THSD4: variants seen among roughly 807,000 people sequenced by gnomAD.
THSD4 encodes the protein thrombospondin type-1 domain-containing protein 4.
In THSD4, 69 loss-of-function variants were observed where a neutral mutation model predicts 119.0. That is an observed-to-expected ratio of 0.58 (90% CI 0.48 to 0.71). THSD4 has a LOEUF of 0.71. Ranked by LOEUF, THSD4 falls within the 30% of genes least tolerant of loss-of-function variation. The pLI is 0.00. For synonymous variants in THSD4, 524 were observed against 540.4 expected (o/e 0.97, Z 0.42); for missense variants, 1,393 against 1,391.1 (o/e 1.00, Z -0.02).
chr15:71,224,073 G>T (rs1040982899), intron 4 of THSD4, among the ~76,000 whole-genome samples: 2 of 152,186 alleles, frequency 1.3e-5, no homozygotes, highest in African/African-American at 4.8e-5. Flanking sequence ...GAAGGCTTCG[G>T]AGGAATAATT....
chr15:71,584,262 C>CTTTTTTTTT (rs71154789), intron 7 of THSD4, among the ~76,000 whole-genome samples: 2,206 of 61,786 alleles, frequency 0.036, 95 homozygotes, highest in Non-Finnish European at 0.047. Context: ...TTTTCACTTT[C>CTTTTTTTTT]TTTTTTTTTT....
rs191560866 is a variant in THSD4, at chr15:71,141,392, G to A, written c.-79-57G>A. ...TTTCTGGTTTTGTTGACCGAGTTAC[G>A]CTTCTAGAATCTTCCTAAGTAAATG... On this transcript the variant is annotated intron_variant, in intron 1 of 17. Transcript: ENST00000261862. 6.8e-5 allele frequency: 63 copies of A among 930,468 alleles called. No individual in the cohort carries two copies. The Admixed American group carries it at 1.4e-3, about 20-fold the overall frequency. 57.6% of individuals were successfully genotyped at this position (930,468 alleles called of 1,614,324 possible).
intron 7 of THSD4, among the ~76,000 whole-genome samples, chr15:71,589,356 ATTTATT>A (rs1191902883): frequency 7.5e-6 from 1 of 132,690 alleles, no homozygotes; most frequent in South Asian, 2.4e-4. Flanking sequence ...TTATTTATTT[ATTTATT>A]TTTTTATTTA....
intron 7 of THSD4, among the ~76,000 whole-genome samples, chr15:71,456,608 A>G (rs2047343967): frequency 6.6e-6 from 1 of 152,188 alleles, no homozygotes; most frequent in South Asian, 2.1e-4. Flanking sequence ...GTCAGGAATC[A>G]GACCTCAGCA....
intron 4 of THSD4, among the ~76,000 whole-genome samples, chr15:71,218,597 A>C (rs2043953084): frequency 6.6e-6 from 1 of 152,182 alleles, no homozygotes; most frequent in Non-Finnish European, 1.5e-5. Context: ...GAAATAATCC[A>C]AATATTAGCC....
intron 4 of THSD4, among the ~76,000 whole-genome samples, chr15:71,221,605 T>C (rs1420091508): frequency 6.6e-6 from 1 of 152,260 alleles, no homozygotes; most frequent in Non-Finnish European, 1.5e-5. Context: ...TTCCATATTG[T>C]AGCATATTCC....
At chr15:71,248,370 T>C (rs2044225433) in intron 5 of THSD4, among the ~76,000 whole-genome samples, 1 of 152,208 alleles carries the variant, frequency 6.6e-6, no homozygotes, top group African/African-American at 2.4e-5. Flanking sequence ...GGACTCCGAA[T>C]TCAACACTTT....
intron 6 of THSD4, among the ~76,000 whole-genome samples, chr15:71,410,826 G>T (rs1340555374): frequency 1.3e-5 from 2 of 152,166 alleles, no homozygotes; most frequent in Admixed American, 1.3e-4. Flanking sequence ...GAGGTCAGGA[G>T]TTCAAGACTG....
intron 7 of THSD4, among the ~76,000 whole-genome samples, chr15:71,564,310 G>C (rs1357202684): frequency 6.6e-6 from 1 of 152,176 alleles, no homozygotes; most frequent in Non-Finnish European, 1.5e-5. Context: ...GAAAACTGTT[G>C]TACTGTGTGT....
intron 3 of THSD4, among the ~76,000 whole-genome samples, chr15:71,165,736 G>C (rs2043288967): frequency 6.6e-6 from 1 of 152,138 alleles, no homozygotes; most frequent in African/African-American, 2.4e-5. Flanking sequence ...CAGTGGTGCA[G>C]GTTTGCTAGT....
chr15:71,135,134 G>A (rs1185115206), intron 1 of THSD4, among the ~76,000 whole-genome samples: 5 of 137,352 alleles, frequency 3.6e-5, no homozygotes, highest in Non-Finnish European at 4.7e-5. Context: ...ACCAAACACC[G>A]CATATTCTCA....
intron 7 of THSD4, among the ~76,000 whole-genome samples, chr15:71,634,492 T>G (rs559915470): frequency 6.6e-6 from 1 of 152,372 alleles, no homozygotes; most frequent in African/African-American, 2.4e-5. Context: ...CAAGCACATC[T>G]GCGTCCCAAT....
intron 6 of THSD4, among the ~76,000 whole-genome samples, chr15:71,377,914 A>ACACACCCACACACCCACACACCT (rs57687864): frequency 1.4e-5 from 2 of 146,148 alleles, no homozygotes; most frequent in African/African-American, 2.5e-5. Flanking sequence ...ACACACACAC[A>ACACACCCACACACCCACACACCT]ATTTCCTTCA....
At position 71,225,571 on chromosome 15, in the gene THSD4, G is replaced by A. The variant is rs1273777167; in HGVS notation, c.464+10172G>A. Reference sequence around the variant, plus strand: ...TTTTTCTTTTTTTTTTTTTTGAGACGGAGTTTCGCTCTGTTGCCCAGGCGG... The same window carrying A: ...TTTTTCTTTTTTTTTTTTTTGAGACAGAGTTTCGCTCTGTTGCCCAGGCGG... On this transcript the variant is annotated intron_variant, in intron 4 of 17. Coordinates refer to ENST00000261862, the MANE Select transcript of THSD4 (RefSeq NM_024817.3). Among the ~76,000 whole-genome samples the A allele has an allele frequency of 4.3e-5, 6 of 140,612 alleles. No homozygotes were observed. In the East Asian group the frequency reaches 8.2e-4, roughly 19 times the overall value. 92.2% of individuals were successfully genotyped at this position (140,612 alleles called of 152,430 possible). A position where few individuals can be genotyped will look rare whatever the true frequency, so the allele number is the denominator to read the frequency against.
intron 6 of THSD4, among the ~76,000 whole-genome samples, chr15:71,373,038 C>A (rs990871601): frequency 2.0e-5 from 3 of 152,178 alleles, no homozygotes; most frequent in African/African-American, 7.2e-5. Context: ...CTTGCAACAA[C>A]CTCCTTTCAG....
At chr15:71,292,956 A>G (rs908315489) in intron 6 of THSD4, among the ~76,000 whole-genome samples, 1 of 152,172 alleles carries the variant, frequency 6.6e-6, no homozygotes, top group African/African-American at 2.4e-5. Context: ...GATTACGGGC[A>G]TGAGCCACCG....
In THSD4 at chr15:71,781,082, G is replaced by A. The variant is rs778532410; in HGVS notation, c.*3708G>A. ...TGGATAATCTATATCAGCCTTGTGG[G>A]TGGAGACTAGTATTTGATCCTTGCC... On this transcript the variant is annotated 3_prime_UTR_variant, in exon 18 of 18. Transcript: ENST00000261862. The A allele has an allele frequency of 9.6e-5, 26 of 269,824 alleles. No individual in the cohort carries two copies. The highest frequency in any genetic ancestry group is 1.7e-4 in the Non-Finnish European group (23 of 133,344). 16.7% of individuals were successfully genotyped at this position (269,824 alleles called of 1,614,324 possible). A position where few individuals can be genotyped will look rare whatever the true frequency, so the allele number is the denominator to read the frequency against.
chr15:71,550,200 C>T (rs1234525018), intron 7 of THSD4, among the ~76,000 whole-genome samples: 1 of 152,124 alleles, frequency 6.6e-6, no homozygotes, highest in East Asian at 1.9e-4. Context: ...CATTTGTCAG[C>T]GTGGGGAGCG....
intron 3 of THSD4, among the ~76,000 whole-genome samples, chr15:71,161,151 T>G (rs1412007829): frequency 6.6e-6 from 1 of 152,096 alleles, no homozygotes; most frequent in Non-Finnish European, 1.5e-5. Context: ...TTGTTAAGAC[T>G]TGTTTTGTGG....
Sources: gnomAD v4.1 joint callset for allele counts (sites outside exome capture counted in the v4.1 genomes callset) on GRCh38, gnomAD v4.1.1 for gene constraint, MANE v1.5 for transcripts, NCBI Gene and HGNC (gene_info 2026-07-23, HGNC 2026-07-21) for gene names.